ZNF469: variants seen among roughly 807,000 people sequenced by gnomAD.
ZNF469 encodes the protein zinc finger protein 469.
A neutral mutation model predicts 1.0 loss-of-function variants in ZNF469; 1 was observed. That is an observed-to-expected ratio of 1.00 (90% confidence interval 0.35 to 4.73). ZNF469 has a LOEUF of 4.73. Ranked by LOEUF, ZNF469 falls within the 30% of genes most tolerant of loss-of-function variation. The probability of loss-of-function intolerance (pLI) is 0.16; values close to 1 mark genes in which losing one functional copy is unlikely to be tolerated. For missense variants in ZNF469, 6,100 were observed against 5,356.3 expected (o/e 1.14, Z -4.33); for synonymous variants, 2,703 against 2,363.4 (o/e 1.14, Z -4.17).
At chr16:88,293,456 A>G in the ZNF469 span, among the ~76,000 whole-genome samples, 2 of 152,052 alleles carry the variant, frequency 1.3e-5, no homozygotes, top group African/African-American at 4.8e-5. Context: ...AAATGGATAG[A>G]TAGGTGGATG....
chr16:88,108,150 T>TGCGGGGAC, the ZNF469 span, among the ~76,000 whole-genome samples: 2 of 93,122 alleles, frequency 2.1e-5, no homozygotes, highest in African/African-American at 8.2e-5. Flanking sequence ...GATGTGGGGA[T>TGCGGGGAC]GGGGGTCCAC....
the ZNF469 span, among the ~76,000 whole-genome samples, chr16:88,192,620 A>G: frequency 1.3e-5 from 2 of 152,292 alleles, no homozygotes. Context: ...ACACATGATG[A>G]GGACAGTATT....
chr16:88,290,822 T>A, the ZNF469 span, among the ~76,000 whole-genome samples: 1 of 152,250 alleles, frequency 6.6e-6, no homozygotes, highest in Non-Finnish European at 1.5e-5. Context: ...CACTTGTTCA[T>A]GACCCTGATT....
the ZNF469 span, among the ~76,000 whole-genome samples, chr16:88,127,830 C>T: frequency 6.6e-6 from 1 of 152,226 alleles, no homozygotes; most frequent in Non-Finnish European, 1.5e-5. Context: ...GCAACACCTA[C>T]TCCAAATTTC....
chr16:88,275,107 G>C, the ZNF469 span, among the ~76,000 whole-genome samples: 2 of 152,302 alleles, frequency 1.3e-5, no homozygotes, highest in Non-Finnish European at 2.9e-5. Flanking sequence ...ATGCTCCCAC[G>C]AGCTCTGCAA....
chr16:88,306,933 A>C, the ZNF469 span, among the ~76,000 whole-genome samples: 3 of 152,184 alleles, frequency 2.0e-5, no homozygotes, highest in Admixed American at 6.5e-5. Context: ...CGTCACCACT[A>C]TCTAATTCCA....
chr16:88,280,233 C>A, the ZNF469 span, among the ~76,000 whole-genome samples: 1 of 150,984 alleles, frequency 6.6e-6, no homozygotes, highest in South Asian at 2.1e-4. Flanking sequence ...TACTGCACCA[C>A]CCTGACGCTC....
the ZNF469 span, among the ~76,000 whole-genome samples, chr16:88,335,919 A>C: frequency 6.6e-6 from 1 of 152,104 alleles, no homozygotes; most frequent in Non-Finnish European, 1.5e-5. Flanking sequence ...AATACCATGC[A>C]CGTTCATCCT....
At chr16:88,190,983 G>A in the ZNF469 span, among the ~76,000 whole-genome samples, 1 of 151,984 alleles carries the variant, frequency 6.6e-6, no homozygotes, top group Non-Finnish European at 1.5e-5. Context: ...GTGGTTGGAA[G>A]CCTCTAAGTC....
the ZNF469 span, among the ~76,000 whole-genome samples, chr16:88,161,116 G>C: frequency 2.6e-5 from 4 of 151,074 alleles, no homozygotes; most frequent in African/African-American, 9.7e-5. Flanking sequence ...AGCCGAGATC[G>C]CGCCATTGCA....
At chr16:88,380,548 GACATGCAC>G (rs2092519435), upstream of ZNF469, among the ~76,000 whole-genome samples, 4 of 73,006 alleles carry the variant, frequency 5.5e-5, no homozygotes, top group Non-Finnish European at 5.5e-5. Flanking sequence ...CACTAACACA[GACATGCAC>G]TCACACACAG....
At chr16:88,271,547 G>A in the ZNF469 span, among the ~76,000 whole-genome samples, 1 of 140,430 alleles carries the variant, frequency 7.1e-6, no homozygotes, top group Non-Finnish European at 1.6e-5. Flanking sequence ...GCCTGATGAC[G>A]CTGCTTGCTC....
the ZNF469 span, among the ~76,000 whole-genome samples, chr16:88,161,747 G>A: frequency 6.6e-6 from 1 of 152,152 alleles, no homozygotes; most frequent in African/African-American, 2.4e-5. Flanking sequence ...AAGAAAAGAA[G>A]CTGAAATAAA....
At chr16:88,387,929 C>G (rs2142262741) in intron 1 of ZNF469, among the ~76,000 whole-genome samples, 1 of 152,370 alleles carries the variant, frequency 6.6e-6, no homozygotes, top group African/African-American at 2.4e-5. Flanking sequence ...GGAAAGAACA[C>G]AGGCTTGGGG....
chr16:88,111,123 G>A, the ZNF469 span, among the ~76,000 whole-genome samples: 149 of 152,320 alleles, frequency 9.8e-4, no homozygotes, highest in African/African-American at 3.4e-3. Flanking sequence ...CTCCCGCACC[G>A]CCCCATGTCA....
the ZNF469 span, among the ~76,000 whole-genome samples, chr16:88,120,719 A>T: frequency 6.6e-6 from 1 of 152,334 alleles, no homozygotes; most frequent in African/African-American, 2.4e-5. Flanking sequence ...AGCTCCCAGC[A>T]CGGTGGAAGG....
intron 1 of ZNF469, among the ~76,000 whole-genome samples, chr16:88,406,748 T>A (rs1036897752): frequency 6.6e-6 from 1 of 152,280 alleles, no homozygotes; most frequent in South Asian, 2.1e-4. Flanking sequence ...CGCCTGGGCA[T>A]AGAGGTGGCT....
At chr16:88,354,750 G>A in the ZNF469 span, among the ~76,000 whole-genome samples, 7 of 152,150 alleles carry the variant, frequency 4.6e-5, no homozygotes, top group Admixed American at 3.9e-4. Flanking sequence ...GGCTCCCAAG[G>A]CTCCCAAGCC....
At chr16:88,414,494 A>G (rs1905255382) in intron 1 of ZNF469, among the ~76,000 whole-genome samples, 1 of 152,238 alleles carries the variant, frequency 6.6e-6, no homozygotes, top group Non-Finnish European at 1.5e-5. Flanking sequence ...GAAAGGTGGC[A>G]GCCTCCCGGG....
Sources: allele counts gnomAD v4.1 joint callset (sites outside exome capture counted in the v4.1 genomes callset), GRCh38; gene constraint gnomAD v4.1.1; transcripts MANE v1.5; gene names NCBI Gene and HGNC (gene_info 2026-07-23, HGNC 2026-07-21).